CYFIP2: variants seen among roughly 807,000 people sequenced by gnomAD.
CYFIP2 encodes cytoplasmic FMR1-interacting protein 2.
Under a neutral mutation model 158.7 loss-of-function variants are expected in CYFIP2, and 29 were observed. The observed-to-expected ratio is 0.18, with a 90% CI of 0.14 to 0.25. The LOEUF is 0.25. CYFIP2 is among the 10% of genes least tolerant of loss of function. The probability of loss-of-function intolerance (pLI) is 1.00; values close to 1 mark genes in which losing one functional copy is unlikely to be tolerated. For missense variants in CYFIP2, 852 were observed against 1,639.5 expected, an observed-to-expected ratio of 0.52 and a Z score of 8.29; for synonymous variants, 585 against 617.6, an observed-to-expected ratio of 0.95 and a Z score of 0.78.
intron 23 of CYFIP2, among the ~76,000 whole-genome samples, chr5:157,347,729 T>C (rs1762796773): frequency 6.6e-6 from 1 of 152,224 alleles, no homozygotes; most frequent in African/African-American, 2.4e-5. Flanking sequence ...TTGGATGACA[T>C]TTTTAACCAA....
intron 29 of CYFIP2, 26 bp downstream of exon 29, chr5:157,389,453 G>A (rs1218303941): frequency 7.2e-6 from 11 of 1,529,292 alleles, no homozygotes; most frequent in Non-Finnish European, 9.7e-6. Context: ...AGAAGGCAGG[G>A]TTACCCCCAA....
At position 157,276,863 on chromosome 5, in the gene CYFIP2, TATA is replaced by T. The variant is rs1415773533; in HGVS notation, c.-23-8472_-23-8470del. On this transcript the variant is annotated intron_variant, in intron 1 of 30. Coordinates refer to ENST00000620254, the MANE Select transcript of CYFIP2 (RefSeq NM_001037333.3). Reference sequence around the variant, plus strand: ...TTTTATGGCTCCTCTGTTTATGGCATATAATATTAGTTTTCTCTCTGTGATTGT... The same window carrying T: ...TTTTATGGCTCCTCTGTTTATGGCATATATTAGTTTTCTCTCTGTGATTGT... Among the ~76,000 whole-genome samples, 3 of 152,306 alleles carry T rather than the reference TATA, an allele frequency of 2.0e-5. No individual in the cohort carries two copies. In the East Asian group the frequency reaches 5.8e-4, roughly 29 times the overall value.
chr5:157,359,211 G>A, intron 24 of CYFIP2, 63 bp downstream of exon 24: 2 of 1,596,182 alleles, frequency 1.3e-6, no homozygotes, highest in Non-Finnish European at 1.7e-6. Context: ...AACAAAGTTT[G>A]CTTTTACTTT....
At chr5:157,353,668 G>A (rs370277941) in intron 23 of CYFIP2, among the ~76,000 whole-genome samples, 3 of 152,156 alleles carry the variant, frequency 2.0e-5, no homozygotes, top group Non-Finnish European at 4.4e-5. Flanking sequence ...TATTTTTGCC[G>A]TCGCCTTTAT....
At chr5:157,278,970 G>A (rs1397861758) in intron 1 of CYFIP2, among the ~76,000 whole-genome samples, 1 of 152,158 alleles carries the variant, frequency 6.6e-6, no homozygotes, top group African/African-American at 2.4e-5. Context: ...CTATTGTTGT[G>A]TTTTCTTATT....
chr5:157,326,332 T>G lies in CYFIP2; in HGVS notation c.2079+65T>G, dbSNP rs1581065501. On this transcript the variant is annotated intron_variant, in intron 18 of 30. Transcript: ENST00000620254. ...TCCAAATTCCGGACTTTTCCAGTCT[T>G]TTGCTATTAGCATGAAGTAGGAGTA... 1.8e-5 allele frequency: 24 copies of G among 1,358,794 alleles called. No individual in the cohort carries two copies. The East Asian group carries it at 5.5e-4, about 31-fold the overall frequency. 84.2% of individuals were successfully genotyped at this position (1,358,794 alleles called of 1,614,324 possible).
At chr5:157,375,364 ACT>A (rs1458549099) in intron 26 of CYFIP2, among the ~76,000 whole-genome samples, 1 of 152,048 alleles carries the variant, frequency 6.6e-6, no homozygotes, top group African/African-American at 2.4e-5. Flanking sequence ...AAGTCTGGAG[ACT>A]CTTACACAGA....
chr5:157,336,300 C>T (rs1266076911), intron 21 of CYFIP2, among the ~76,000 whole-genome samples: 7 of 152,298 alleles, frequency 4.6e-5, no homozygotes, highest in South Asian at 2.1e-4. Flanking sequence ...AAGTTGAGAA[C>T]GGGCAGCCCG....
chr5:157,297,217 T>C (rs1758324645), intron 5 of CYFIP2, among the ~76,000 whole-genome samples: 1 of 152,154 alleles, frequency 6.6e-6, no homozygotes, highest in Non-Finnish European at 1.5e-5. Flanking sequence ...GGCAAAAGCC[T>C]TGAGGCTGAG....
intron 1 of CYFIP2, among the ~76,000 whole-genome samples, chr5:157,275,079 T>G (rs1756437889): frequency 6.6e-6 from 1 of 152,198 alleles, no homozygotes; most frequent in Admixed American, 6.5e-5. Context: ...AGCCAAGAAT[T>G]ATTTACATAT....
intron 30 of CYFIP2, among the ~76,000 whole-genome samples, 157 bp downstream of exon 30, chr5:157,390,825 G>A (rs959178515): frequency 3.9e-5 from 6 of 152,278 alleles, no homozygotes; most frequent in South Asian, 2.1e-4. Context: ...AGAGGAAGTC[G>A]TGAGGTCGTG....
At chr5:157,289,459 G>A (rs1008185614) in intron 3 of CYFIP2, among the ~76,000 whole-genome samples, 4 of 152,194 alleles carry the variant, frequency 2.6e-5, no homozygotes, top group African/African-American at 9.7e-5. Context: ...TTTCCTCCCC[G>A]TTCCGGAGAT....
chr5:157,366,213 A>G (rs901883402), intron 26 of CYFIP2, among the ~76,000 whole-genome samples: 1 of 152,158 alleles, frequency 6.6e-6, no homozygotes, highest in African/African-American at 2.4e-5. Flanking sequence ...CTCCTTCCAC[A>G]TGCTACTAGC....
rs1766403636 is a variant in CYFIP2 at position 157,384,134 on chromosome 5, G to A, written c.3207+775G>A. On this transcript the variant is annotated intron_variant, in intron 28 of 30. Coordinates refer to ENST00000620254, the MANE Select transcript of CYFIP2 (RefSeq NM_001037333.3). ...GTAGTGTTCTAACAAGGGTGAATGA[G>A]CTTATATGTTATTCTGTAATTGTTA... 8.0e-6 allele frequency: 3 copies of A among 373,442 alleles called. No homozygotes were observed. The Admixed American group carries it at 9.8e-5, about 12-fold the overall frequency. The allele number at this position is 373,442 out of a possible 1,614,324, so 23.1% of individuals were successfully genotyped here.
intron 23 of CYFIP2, among the ~76,000 whole-genome samples, chr5:157,349,238 G>C (rs908346737): frequency 6.6e-6 from 1 of 152,090 alleles, no homozygotes; most frequent in African/African-American, 2.4e-5. Flanking sequence ...AGCAGTATAC[G>C]CTATGCCCAA....
intron 23 of CYFIP2, among the ~76,000 whole-genome samples, chr5:157,355,307 G>T (rs1763340761): frequency 6.6e-6 from 1 of 152,116 alleles, no homozygotes; most frequent in Admixed American, 6.5e-5. Context: ...CAAAGCTGCT[G>T]GGGGAAATTC....
chr5:157,333,271 A>G, intron 20 of CYFIP2, 56 bp from the exon 21 acceptor site: 4 of 1,609,028 alleles, frequency 2.5e-6, no homozygotes, highest in East Asian at 4.5e-5. Context: ...GGCATGAGCC[A>G]CTGCACCTGG....
At position 157,355,782 on chromosome 5, in the gene CYFIP2, C is replaced by T. The variant is rs562226110; in HGVS notation, c.2674-3223C>T. 2.6e-5 allele frequency among the ~76,000 whole-genome samples: 4 copies of T among 152,276 alleles called. No individual in the cohort carries two copies. The East Asian group carries it at 5.8e-4, about 22-fold the overall frequency. On this transcript the variant is annotated intron_variant, in intron 23 of 30. Coordinates refer to ENST00000620254, the MANE Select transcript of CYFIP2 (RefSeq NM_001037333.3). ...TGTGCTGAGAGCTTTGCTGGGTTTA[C>T]AGGAGAAGCCTAGAGTCCCTGGTGT...
intron 24 of CYFIP2, among the ~76,000 whole-genome samples, 196 bp from the exon 25 acceptor site, chr5:157,360,086 A>AT (rs1763704154): frequency 6.6e-6 from 1 of 152,220 alleles, no homozygotes; most frequent in Non-Finnish European, 1.5e-5. Flanking sequence ...GCCCTCCTTG[A>AT]AGTCTGTAAG....
Sources: allele counts gnomAD v4.1 joint callset (sites outside exome capture counted in the v4.1 genomes callset), GRCh38; gene constraint gnomAD v4.1.1; transcripts MANE v1.5; gene names NCBI Gene and HGNC (gene_info 2026-07-23, HGNC 2026-07-21).